Variants in SLC37A1 observed in about 807,000 individuals in gnomAD.
SLC37A1 encodes glucose-6-phosphate exchanger SLC37A1.
Under a neutral mutation model 75.3 loss-of-function variants are expected in SLC37A1, and 49 were observed. The observed-to-expected ratio is 0.65, with a 90% confidence interval of 0.52 to 0.83. The LOEUF is 0.83. Ranked by LOEUF, SLC37A1 falls within the 40% of genes least tolerant of loss-of-function variation. SLC37A1 has a pLI of 0.00. For synonymous variants in SLC37A1, 268 were observed against 292.1 expected, an observed-to-expected ratio of 0.92 and a Z score of 0.84; for missense variants, 566 against 695.0, an observed-to-expected ratio of 0.81 and a Z score of 2.09.
chr21:42,510,486 C>T (rs973365842), upstream of SLC37A1, among the ~76,000 whole-genome samples: 24 of 151,278 alleles, frequency 1.6e-4, no homozygotes, highest in Admixed American at 5.9e-4. Flanking sequence ...AACTACAAAC[C>T]GCCAGAAAGC....
At chr21:42,511,328 G>T (rs2054430761), upstream of SLC37A1, among the ~76,000 whole-genome samples, 1 of 152,206 alleles carries the variant, frequency 6.6e-6, no homozygotes, top group South Asian at 2.1e-4. Flanking sequence ...ATGGGATGCA[G>T]CAAAAGCAGT....
At chr21:42,511,413 A>G (rs1441412774), upstream of SLC37A1, among the ~76,000 whole-genome samples, 1 of 152,234 alleles carries the variant, frequency 6.6e-6, no homozygotes, top group Admixed American at 6.5e-5. Context: ...AGCCTTAAAA[A>G]AGAAGGATTT....
In SLC37A1 at chr21:42,542,445, C is replaced by T. The variant is rs767277607; in HGVS notation, c.528C>T (p.Val176=). The change falls in exon 7 of 20, where the codon GTC becomes GTT. Residue 176 remains valine (V), a synonymous_variant. Coordinates refer to ENST00000352133, the MANE Select transcript of SLC37A1 (RefSeq NM_001320537.2). ...GLVQTTGWPS[V]VTCLGNWFGK... ...TGCAGACCACCGGCTGGCCCAGCGTCGTCACCTGCCTCGGCAACTGGTTTG... is the reference window on the plus strand; with the variant it reads ...TGCAGACCACCGGCTGGCCCAGCGTTGTCACCTGCCTCGGCAACTGGTTTG... 9 of 1,613,842 alleles carry T rather than the reference C, an allele frequency of 5.6e-6. No homozygotes were observed. Among genetic ancestry groups the T allele is most frequent in the Admixed American group, 3.3e-5 (2 of 60,000 alleles).
intron 2 of SLC37A1, among the ~76,000 whole-genome samples, chr21:42,506,063 C>T (rs1435200474): frequency 1.3e-5 from 2 of 152,176 alleles, no homozygotes; most frequent in Non-Finnish European, 2.9e-5. Context: ...TAAGAGGATT[C>T]CCTTGTATAC....
At chr21:42,570,836 C>T (rs546647428) in intron 17 of SLC37A1, among the ~76,000 whole-genome samples, 1 of 152,308 alleles carries the variant, frequency 6.6e-6, no homozygotes, top group South Asian at 2.1e-4. Flanking sequence ...CACCACTGCC[C>T]CCAAGCAGGT....
chr21:42,535,329 G>T (rs375550525), intron 4 of SLC37A1, 143 bp from the exon 5 acceptor site: 8 of 665,540 alleles, frequency 1.2e-5, no homozygotes, highest in African/African-American at 8.9e-5. Flanking sequence ...AAAATGCACC[G>T]CCTTGTTTTC....
chr21:42,558,384 A>G (rs750213948), intron 10 of SLC37A1, among the ~76,000 whole-genome samples: 35 of 152,236 alleles, frequency 2.3e-4, no homozygotes, highest in Non-Finnish European at 4.3e-4. Context: ...AGAATTTCTT[A>G]TTAGCATTTC....
upstream of SLC37A1, chr21:42,513,768 G>C (rs755711709): frequency 4.1e-5 from 6 of 146,600 alleles, no homozygotes; most frequent in Admixed American, 1.4e-4. Flanking sequence ...CGGCCGGGGA[G>C]GGGGAGGAGC....
chr21:42,551,385 A>C (rs2055553177), intron 9 of SLC37A1, among the ~76,000 whole-genome samples: 1 of 152,232 alleles, frequency 6.6e-6, no homozygotes, highest in African/African-American at 2.4e-5. Flanking sequence ...CATTCATATG[A>C]AATGTCCAGA....
intron 18 of SLC37A1, among the ~76,000 whole-genome samples, chr21:42,577,072 A>G (rs2056324082): frequency 6.6e-6 from 1 of 152,228 alleles, no homozygotes; most frequent in African/African-American, 2.4e-5. Context: ...CTGTACCTAG[A>G]TAAACTTGCA....
chr21:42,543,418 T>A lies in SLC37A1; in HGVS notation c.564-18T>A, dbSNP rs539175665. 2 of 1,614,178 alleles carry A rather than the reference T, an allele frequency of 1.2e-6. No individual in the cohort carries two copies. The highest frequency in any genetic ancestry group is 1.7e-6 in the Non-Finnish European group (2 of 1,179,998). ...CTTCTCAGCTCCATCTTCTGTCTTCTGTTTTGTTGTGCTGCAGGAGAGGTT... is the reference window on the plus strand; with the variant it reads ...CTTCTCAGCTCCATCTTCTGTCTTCAGTTTTGTTGTGCTGCAGGAGAGGTT... On this transcript the variant is annotated intron_variant, in intron 7 of 19. Transcript: ENST00000352133.
At chr21:42,519,459 C>A (rs576491314) in intron 2 of SLC37A1, among the ~76,000 whole-genome samples, 2 of 152,320 alleles carry the variant, frequency 1.3e-5, no homozygotes, top group African/African-American at 4.8e-5. Flanking sequence ...TTCCCTGGCC[C>A]CTCCTAAGGG....
At chr21:42,544,493 ACT>A (rs2055358636) in intron 8 of SLC37A1, among the ~76,000 whole-genome samples, 1 of 152,002 alleles carries the variant, frequency 6.6e-6, no homozygotes, top group East Asian at 1.9e-4. Flanking sequence ...GAGTTTGGAG[ACT>A]CTCACCCCAT....
At chr21:42,532,097 C>T (rs533414788) in intron 3 of SLC37A1, among the ~76,000 whole-genome samples, 7 of 152,248 alleles carry the variant, frequency 4.6e-5, no homozygotes, top group African/African-American at 1.7e-4. Context: ...GTGATGTCAC[C>T]AAGGCCAGAA....
In SLC37A1 at chr21:42,516,770, A is replaced by G. The variant is rs563575295; in HGVS notation, c.-178-1507A>G. Among the ~76,000 whole-genome samples the G allele has an allele frequency of 1.8e-4, 27 of 152,276 alleles. 1 individual carries two copies. The South Asian group carries it at 5.4e-3, about 30-fold the overall frequency. On this transcript the variant is annotated intron_variant, in intron 1 of 19. Coordinates refer to ENST00000352133, the MANE Select transcript of SLC37A1 (RefSeq NM_001320537.2). Reference sequence around the variant, plus strand: ...TTTTTGATTTATTTAGTAGATGGCAATGGAATGTTTCCAGACACGCTGGAC... The same window carrying G: ...TTTTTGATTTATTTAGTAGATGGCAGTGGAATGTTTCCAGACACGCTGGAC...
chr21:42,539,167 A>G (rs1319164949), intron 5 of SLC37A1, among the ~76,000 whole-genome samples: 1 of 152,212 alleles, frequency 6.6e-6, no homozygotes, highest in Non-Finnish European at 1.5e-5. Flanking sequence ...ATATACATTT[A>G]CTGGATATGG....
Position 42,534,683 on chromosome 21 carries a change from C to A in SLC37A1, c.139-15C>A. The A allele has an allele frequency of 6.2e-7, 1 of 1,603,748 alleles. No homozygotes were observed. Among genetic ancestry groups the A allele is most frequent in the South Asian group, 1.1e-5 (1 of 89,846 alleles). ...CACTTCCTCTCCCTGCTTCTGCCCT[C>A]CCATCACGTCCCAGGGTGAGCTCCA... On this transcript the variant is annotated splice_polypyrimidine_tract_variant and intron_variant, in intron 3 of 19. Transcript: ENST00000352133.
intron 3 of SLC37A1, among the ~76,000 whole-genome samples, chr21:42,531,839 G>A (rs1324860518): frequency 6.6e-6 from 1 of 152,224 alleles, no homozygotes; most frequent in African/African-American, 2.4e-5. Flanking sequence ...TTGTGCTGGA[G>A]TAATATGAAA....
chr21:42,540,284 C>T (rs146977294), intron 6 of SLC37A1, among the ~76,000 whole-genome samples: 167 of 152,336 alleles, frequency 1.1e-3, no homozygotes, highest in African/African-American at 3.8e-3. Context: ...GAATTTGGCT[C>T]AGGGCCAGGG....
Sources: gnomAD v4.1 joint callset for allele counts (sites outside exome capture counted in the v4.1 genomes callset) on GRCh38, gnomAD v4.1.1 for gene constraint, MANE v1.5 for transcripts, NCBI Gene and HGNC (gene_info 2026-07-23, HGNC 2026-07-21) for gene names.